The following CDC40 variants were observed in gnomAD, a reference collection of about 807,000 sequenced individuals.
CDC40 encodes cell division cycle 40.
A neutral mutation model predicts 80.6 loss-of-function variants in CDC40; 27 were observed. That is an observed-to-expected ratio of 0.33 (90% confidence interval 0.25 to 0.46). CDC40 has a LOEUF of 0.46. Among genes scored for constraint, CDC40 ranks in the 20% least tolerant of loss-of-function variants. The pLI, the probability that CDC40 is intolerant of heterozygous loss-of-function variation, is 1.00. For synonymous variants in CDC40, 221 were observed against 232.6 expected (o/e 0.95, Z 0.45); for missense variants, 486 against 694.1 (o/e 0.70, Z 3.37).
chr6:110,201,194 C>A (rs1384510348), intron 2 of CDC40, among the ~76,000 whole-genome samples: 1 of 152,062 alleles, frequency 6.6e-6, no homozygotes, highest in Non-Finnish European at 1.5e-5. Flanking sequence ...ACCCCAAATC[C>A]CCGAAATCAT....
chr6:110,198,107 A>T (rs1054914574), intron 2 of CDC40, among the ~76,000 whole-genome samples: 5 of 151,688 alleles, frequency 3.3e-5, no homozygotes, highest in Admixed American at 2.6e-4. Flanking sequence ...CAGGTTTGAG[A>T]TGATATTGTG....
chr6:110,226,110 A>T, intron 12 of CDC40, 57 bp from the exon 13 acceptor site: 1 of 858,988 alleles, frequency 1.2e-6, no homozygotes, highest in Non-Finnish European at 2.0e-6. Context: ...TCCAGAGATA[A>T]TTCTGAAGGT....
chr6:110,221,347 G>C lies in CDC40; in HGVS notation c.1340+1478G>C, dbSNP rs140151707. On this transcript the variant is annotated intron_variant, in intron 12 of 14. Transcript: ENST00000307731. The stretch of plus-strand genomic sequence containing the variant: ...TTCCTCTTTATACTTAAGTCCCTTT[G>C]GGGACCTCAGCAGGTCCCTAACCAT... Among the ~76,000 whole-genome samples the C allele has an allele frequency of 3.6e-4, 55 of 152,230 alleles. No homozygotes were observed. The East Asian group carries it at 7.3e-3, about 20-fold the overall frequency.
intron 6 of CDC40, chr6:110,211,256 G>T (rs1198939017): frequency 6.6e-6 from 1 of 152,118 alleles, no homozygotes; most frequent in Non-Finnish European, 1.5e-5. Context: ...GGAGCTTAAG[G>T]CTCTCATACT....
intron 2 of CDC40, among the ~76,000 whole-genome samples, chr6:110,197,453 C>A (rs1023052688): frequency 6.6e-6 from 1 of 152,128 alleles, no homozygotes; most frequent in African/African-American, 2.4e-5. Flanking sequence ...CACTTAAAAT[C>A]TACTTTTAGT....
rs547962899 is a variant in CDC40, at chr6:110,210,292, G to A, written c.631-415G>A. On this transcript the variant is annotated intron_variant, in intron 5 of 14. Coordinates refer to ENST00000307731, the MANE Select transcript of CDC40 (RefSeq NM_015891.3). ...AGAAGACTTGAGCTTGGCCGGGCCT[G>A]TAAGCCCAGCACTTTGGGAGGCCGA... Among the ~76,000 whole-genome samples the A allele has an allele frequency of 3.9e-5, 6 of 151,994 alleles. No homozygotes were observed. In the East Asian group the frequency reaches 9.7e-4, roughly 24 times the overall value.
intron 12 of CDC40, among the ~76,000 whole-genome samples, chr6:110,220,597 A>G (rs1358809020): frequency 6.6e-6 from 1 of 151,884 alleles, no homozygotes; most frequent in Non-Finnish European, 1.5e-5. Context: ...GGCGCCCGCC[A>G]CCACGCCCGG....
chr6:110,208,432 C>T (rs74936519), intron 4 of CDC40, among the ~76,000 whole-genome samples: 13,014 of 152,114 alleles, frequency 0.086, 869 homozygotes, highest in African/African-American at 0.19. Flanking sequence ...CAGTATGCCA[C>T]CTCCTACTAA....
chr6:110,225,259 T>C (rs1008078710), intron 12 of CDC40, among the ~76,000 whole-genome samples: 8 of 152,168 alleles, frequency 5.3e-5, no homozygotes, highest in African/African-American at 1.9e-4. Flanking sequence ...CTGTATAATC[T>C]GTGTTATTCA....
intron 12 of CDC40, among the ~76,000 whole-genome samples, chr6:110,220,300 G>GAAA (rs1452425519): frequency 6.6e-6 from 1 of 152,002 alleles, no homozygotes; most frequent in Non-Finnish European, 1.5e-5. Flanking sequence ...TTTCAGTACT[G>GAAA]AAAATGCCCC....
At chr6:110,212,378 G>T in intron 7 of CDC40, 106 bp downstream of exon 7, 2 of 1,144,832 alleles carry the variant, frequency 1.7e-6, no homozygotes, top group South Asian at 2.9e-5. Context: ...TAAAGGTACA[G>T]GGAAGTCAAA....
chr6:110,227,455 T>C (rs1777880088), intron 13 of CDC40, among the ~76,000 whole-genome samples: 1 of 152,232 alleles, frequency 6.6e-6, no homozygotes, highest in African/African-American at 2.4e-5. Context: ...TGCTAGATTA[T>C]ATACTTCGTC....
chr6:110,203,796 A>G (rs1024670001), intron 3 of CDC40, among the ~76,000 whole-genome samples: 7 of 152,070 alleles, frequency 4.6e-5, no homozygotes, highest in Middle Eastern at 3.4e-3. Flanking sequence ...TCAGCCCCTC[A>G]GTGGTTGTGT....
chr6:110,195,112 C>T (rs1777401955), intron 2 of CDC40, among the ~76,000 whole-genome samples: 1 of 152,192 alleles, frequency 6.6e-6, no homozygotes, highest in African/African-American at 2.4e-5. Context: ...AATGAATCCT[C>T]TGTAACTTAT....
At chr6:110,222,624 T>C (rs1777792891) in intron 12 of CDC40, among the ~76,000 whole-genome samples, 1 of 152,120 alleles carries the variant, frequency 6.6e-6, no homozygotes, top group Non-Finnish European at 1.5e-5. Flanking sequence ...ATGAGAGCCT[T>C]CCTGACCAGC....
chr6:110,232,186 G>T lies in CDC40; in HGVS notation c.*2055G>T, dbSNP rs1021332232. The T allele has an allele frequency of 6.6e-6, 1 of 152,534 alleles. No individual in the cohort carries two copies. Among genetic ancestry groups the T allele is most frequent in the African/African-American group, 2.4e-5 (1 of 41,402 alleles). The allele number at this position is 152,534 out of a possible 1,614,324, so 9.4% of individuals were successfully genotyped here. On this transcript the variant is annotated 3_prime_UTR_variant, in exon 15 of 15. Transcript: ENST00000307731. ...TGTATAAAAGTCTCCTTTTTAAAAA[G>T]ATCATATTTTTAAATAAAGCATTTT...
chr6:110,229,235 G>A (rs1449499826), intron 14 of CDC40, among the ~76,000 whole-genome samples: 1 of 152,030 alleles, frequency 6.6e-6, no homozygotes, highest in African/African-American at 2.4e-5. Context: ...ATAAATCCCT[G>A]TCTATATAAC....
chr6:110,219,739 G>A lies in CDC40; in HGVS notation c.1210G>A (p.Asp404Asn). 1 of 1,613,918 alleles carries A rather than the reference G, an allele frequency of 6.2e-7. No homozygotes were observed. The stretch of plus-strand genomic sequence containing the variant: ...TTTTTTCTTGCCTGATACACAGTGG[G>A]ACATTCGAAGTGGAGAAATTGTGCA... The part of the protein sequence containing the change: ...GMSDKKIVQW[D>N]IRSGEIVQEY... Residue 404 changes from aspartate (D) to asparagine (N), a missense_variant, in exon 12 of 15, where the codon GAC becomes AAC. Physicochemically the swap from Asp to Asn is conservative, Grantham distance 23. Transcript: ENST00000307731.
chr6:110,201,032 G>A (rs1405825509), intron 2 of CDC40, among the ~76,000 whole-genome samples: 1 of 151,956 alleles, frequency 6.6e-6, no homozygotes, highest in Non-Finnish European at 1.5e-5. Context: ...ATGGAATTCT[G>A]ATTAATCTTT....
Sources: allele counts gnomAD v4.1 joint callset (sites outside exome capture counted in the v4.1 genomes callset), GRCh38; gene constraint gnomAD v4.1.1; transcripts MANE v1.5; gene names NCBI Gene and HGNC (gene_info 2026-07-23, HGNC 2026-07-21).